The following FRMD4A variants were observed in gnomAD, a reference collection of about 807,000 sequenced individuals.
FRMD4A encodes the protein FERM domain containing 4A.
A neutral mutation model predicts 129.1 loss-of-function variants in FRMD4A; 29 were observed. The observed-to-expected ratio is 0.22, with a 90% CI of 0.17 to 0.31. The LOEUF is 0.31. FRMD4A is among the 10% of genes least tolerant of loss of function. FRMD4A has a pLI of 1.00. For synonymous variants in FRMD4A, 634 were observed against 571.6 expected, an observed-to-expected ratio of 1.11 and a Z score of -1.56; for missense variants, 1,272 against 1,375.8, an observed-to-expected ratio of 0.92 and a Z score of 1.19.
intron 17 of FRMD4A, 73 bp downstream of exon 17, chr10:13,670,333 A>C: frequency 6.6e-7 from 1 of 1,504,666 alleles, no homozygotes; most frequent in Non-Finnish European, 9.2e-7. Context: ...GGTACAGAAA[A>C]CCTGGAAGGC....
intron 2 of FRMD4A, among the ~76,000 whole-genome samples, chr10:14,260,266 G>C (rs1844755609): frequency 6.6e-6 from 1 of 152,128 alleles, no homozygotes; most frequent in African/African-American, 2.4e-5. Context: ...GCTTTAAGAG[G>C]AATTGGAGTT....
At chr10:13,884,218 A>ACT (rs773410986) in intron 2 of FRMD4A, among the ~76,000 whole-genome samples, 3,856 of 91,714 alleles carry the variant, frequency 0.042, 203 homozygotes, top group East Asian at 0.17. Flanking sequence ...TCACACACAC[A>ACT]CACACACACA....
chr10:14,107,324 C>A (rs572014635), intron 2 of FRMD4A, among the ~76,000 whole-genome samples: 2 of 152,046 alleles, frequency 1.3e-5, no homozygotes, highest in Non-Finnish European at 1.5e-5. Context: ...GTGTAACAAA[C>A]CTGCATGTGA....
intron 4 of FRMD4A, among the ~76,000 whole-genome samples, chr10:13,798,459 G>A (rs2093172922): frequency 6.6e-6 from 1 of 152,274 alleles, no homozygotes; most frequent in East Asian, 1.9e-4. Context: ...CTGTACGCCT[G>A]TAATCCCCAC....
intron 2 of FRMD4A, among the ~76,000 whole-genome samples, chr10:13,935,108 A>G (rs2095237765): frequency 6.6e-6 from 1 of 152,106 alleles, no homozygotes; most frequent in African/African-American, 2.4e-5. Flanking sequence ...AAAACCATGA[A>G]AATCCAAGAT....
chr10:14,061,800 A>G (rs1834828513), intron 2 of FRMD4A, among the ~76,000 whole-genome samples: 1 of 152,232 alleles, frequency 6.6e-6, no homozygotes, highest in South Asian at 2.1e-4. Context: ...CTTAGTGACC[A>G]TGAAGCCCAA....
intron 2 of FRMD4A, among the ~76,000 whole-genome samples, chr10:14,303,808 TATGGTTTATTATTATC>T (rs1355145103): frequency 6.6e-6 from 1 of 152,200 alleles, no homozygotes; most frequent in East Asian, 1.9e-4. Context: ...TTTCTGTCTC[TATGGTTTATTATTATC>T]ATGGTTTATT....
intron 2 of FRMD4A, among the ~76,000 whole-genome samples, chr10:14,063,651 G>A (rs1323697811): frequency 2.6e-5 from 4 of 151,458 alleles, no homozygotes; most frequent in African/African-American, 4.9e-5. Context: ...ACTGGATGTC[G>A]GGCACACAGT....
At chr10:13,746,855 T>G (rs144199338) in intron 9 of FRMD4A, among the ~76,000 whole-genome samples, 2 of 152,330 alleles carry the variant, frequency 1.3e-5, no homozygotes, top group Non-Finnish European at 2.9e-5. Flanking sequence ...CCTGCCCAAC[T>G]GTGGCCCAAA....
chr10:13,813,193 C>T (rs1233962565), intron 3 of FRMD4A, among the ~76,000 whole-genome samples: 3 of 152,226 alleles, frequency 2.0e-5, no homozygotes, highest in Non-Finnish European at 1.5e-5. Flanking sequence ...GCCTGTAATC[C>T]CAACACTTTG....
chr10:13,913,128 C>T (rs968456809), intron 2 of FRMD4A, among the ~76,000 whole-genome samples: 3 of 151,214 alleles, frequency 2.0e-5, no homozygotes, highest in Non-Finnish European at 2.9e-5. Flanking sequence ...CTGATACATG[C>T]CCCAACATGG....
intron 6 of FRMD4A, among the ~76,000 whole-genome samples, chr10:13,777,677 G>C (rs1379237454): frequency 6.6e-6 from 1 of 152,024 alleles, no homozygotes; most frequent in Non-Finnish European, 1.5e-5. Context: ...CAAAGTCCTA[G>C]GCGTGCATGA....
intron 18 of FRMD4A, among the ~76,000 whole-genome samples, chr10:13,664,367 A>G (rs4750396): frequency 0.77 from 117,422 of 152,104 alleles, 46,086 homozygotes; most frequent in East Asian, 0.87. Context: ...AGTGTCAGAA[A>G]GAGGTTGGCT....
chr10:13,740,568 T>C lies in FRMD4A; in HGVS notation c.558A>G (p.Arg186=), dbSNP rs774617982. 10 of 1,564,368 alleles carry C rather than the reference T, an allele frequency of 6.4e-6. No homozygotes were observed. The South Asian group carries it at 1.1e-4, about 18-fold the overall frequency. ...EHPSLAYCED[R]VIEHYKKLNG... is the part of the protein sequence containing the mutation. ...TCAGTTTCTTGTAGTGCTCAATGACTCTGTCTTCACTGTAATTAGAAGAAA... is the reference window on the plus strand; with the variant it reads ...TCAGTTTCTTGTAGTGCTCAATGACCCTGTCTTCACTGTAATTAGAAGAAA... Residue 186 remains arginine, a synonymous_variant, in exon 10 of 25, where the codon AGA becomes AGG. Coordinates refer to ENST00000357447, the MANE Select transcript of FRMD4A (RefSeq NM_018027.5).
chr10:14,097,771 G>T (rs1436290483), intron 2 of FRMD4A, among the ~76,000 whole-genome samples: 1 of 150,756 alleles, frequency 6.6e-6, no homozygotes, highest in Non-Finnish European at 1.5e-5. Context: ...TTAGCAAATA[G>T]ATGAGAGATA....
intron 2 of FRMD4A, among the ~76,000 whole-genome samples, chr10:13,967,195 G>A (rs909661946): frequency 2.0e-5 from 3 of 152,238 alleles, no homozygotes; most frequent in Non-Finnish European, 2.9e-5. Context: ...AAATTAGCCA[G>A]GCTTGGTGGC....
At chr10:14,246,969 T>C (rs1230514178) in intron 2 of FRMD4A, among the ~76,000 whole-genome samples, 5 of 151,952 alleles carry the variant, frequency 3.3e-5, no homozygotes, top group African/African-American at 1.2e-4. Flanking sequence ...TTAGAGGGAG[T>C]GGGCTTCCCT....
intron 3 of FRMD4A, among the ~76,000 whole-genome samples, chr10:13,831,307 G>A (rs1201575802): frequency 6.6e-6 from 1 of 152,186 alleles, no homozygotes; most frequent in Non-Finnish European, 1.5e-5. Context: ...GATTGGCCAG[G>A]TATGGTGGTG....
chr10:14,009,033 C>T (rs144695007), intron 2 of FRMD4A, among the ~76,000 whole-genome samples: 21 of 152,286 alleles, frequency 1.4e-4, no homozygotes, highest in Non-Finnish European at 2.9e-4. Context: ...TTACGTGTGC[C>T]AGTAAACAAG....
Sources: allele counts gnomAD v4.1 joint callset (sites outside exome capture counted in the v4.1 genomes callset), GRCh38; gene constraint gnomAD v4.1.1; transcripts MANE v1.5; gene names NCBI Gene and HGNC (gene_info 2026-07-23, HGNC 2026-07-21).